DNAH14: variants seen among roughly 807,000 people sequenced by gnomAD.
The protein encoded by DNAH14 is axonemal beta dynein heavy chain 14.
A neutral mutation model predicts 520.9 loss-of-function variants in DNAH14; 478 were observed. That is an observed-to-expected ratio of 0.92 (90% CI 0.85 to 0.99). The LOEUF (loss-of-function observed/expected upper bound fraction) is 0.99, where lower values mean the gene tolerates loss of function less well. Among genes scored for constraint, DNAH14 ranks in the 50% least tolerant of loss-of-function variants. The probability of loss-of-function intolerance (pLI) is 0.00; values close to 1 mark genes in which losing one functional copy is unlikely to be tolerated. For missense variants in DNAH14, 4,831 were observed against 5,234.5 expected, an observed-to-expected ratio of 0.92 and a Z score of 2.38; for synonymous variants, 1,581 against 1,757.2, an observed-to-expected ratio of 0.90 and a Z score of 2.51.
intron 52 of DNAH14, among the ~76,000 whole-genome samples, chr1:225,275,558 T>C (rs12743550): frequency 0.04 from 6,098 of 152,310 alleles, 164 homozygotes; most frequent in Non-Finnish European, 0.059. Flanking sequence ...GAAGATTCTT[T>C]TTCTCAGACT....
chr1:225,209,717 T>C (rs539443928), intron 41 of DNAH14, among the ~76,000 whole-genome samples: 2 of 152,306 alleles, frequency 1.3e-5, no homozygotes, highest in South Asian at 4.1e-4. Context: ...ATATATGATT[T>C]AAGCATGAGA....
chr1:225,114,408 A>C (rs1434537216), intron 23 of DNAH14, among the ~76,000 whole-genome samples: 2 of 152,116 alleles, frequency 1.3e-5, no homozygotes, highest in Non-Finnish European at 2.9e-5. Flanking sequence ...CCTGAAGTGG[A>C]GGTAACAAGT....
At chr1:225,067,420 T>C (rs1229670532) in intron 17 of DNAH14, among the ~76,000 whole-genome samples, 2 of 152,180 alleles carry the variant, frequency 1.3e-5, no homozygotes, top group African/African-American at 2.4e-5. Flanking sequence ...AGTGCTGCAA[T>C]GGATATATGT....
Position 225,381,523 on chromosome 1 carries a change from G to T in DNAH14, c.13021G>T (p.Glu4341Ter). ...AAAAGGAGAGATCATCCTCACCCAA[G>T]AATTGGAGGAAATATTTAACTCTTT... Reference protein sequence around the residue: ...AIKGEIILTQELEEIFNSFLN... With the variant: ...AIKGEIILTQ Residue 4341 changes from glutamate to a stop codon, truncating the protein, a stop_gained, in exon 81 of 86, where the codon GAA (glutamate) becomes TAA (stop). Coordinates refer to ENST00000682510, the MANE Select transcript of DNAH14 (RefSeq NM_001367479.1). LOFTEE classifies it high-confidence loss of function. The T allele has an allele frequency of 6.5e-7, 1 of 1,547,492 alleles. No individual in the cohort carries two copies. Among genetic ancestry groups the T allele is most frequent in the Non-Finnish European group, 8.7e-7 (1 of 1,145,910 alleles).
chr1:225,259,177 G>C lies in DNAH14; in HGVS notation c.7081G>C (p.Gly2361Arg), dbSNP rs2092845060. 1 of 1,545,310 alleles carries C rather than the reference G, an allele frequency of 6.5e-7. No homozygotes were observed. Among genetic ancestry groups the C allele is most frequent in the African/African-American group, 1.4e-5 (1 of 72,624 alleles). ...AINQMLEKLE[G>R]PGAFDIKHGS... ...TAATCAAATGCTTGAAAAGCTAGAGGGTCCAGGAGCATTTGACATAAAACA... is the reference window on the plus strand; with the variant it reads ...TAATCAAATGCTTGAAAAGCTAGAGCGTCCAGGAGCATTTGACATAAAACA... The change falls in exon 46 of 86, where the codon GGT (glycine) becomes CGT (arginine). Residue 2361 changes from glycine (G) to arginine (R), a missense_variant. Gly to Arg is a moderately radical substitution (Grantham distance 125). Coordinates refer to ENST00000682510, the MANE Select transcript of DNAH14 (RefSeq NM_001367479.1).
In DNAH14 at chr1:225,345,964, T is replaced by TC; in HGVS notation, c.10683dup (p.Ile3562HisfsTer4). On this transcript the variant is annotated frameshift_variant, in exon 70 of 86. Transcript: ENST00000682510. LOFTEE classifies it high-confidence loss of function. ...CTTCACTTTTTGTTTGTCTTTAGGA[T>TC]CCATATTAGATGATGACAAAATTGT... is the stretch of plus-strand genomic sequence containing the variant. 6.5e-7 allele frequency: 1 copy of TC among 1,544,906 alleles called. No homozygotes were observed. Among genetic ancestry groups the TC allele is most frequent in the South Asian group, 1.2e-5 (1 of 83,534 alleles).
chr1:225,387,244 G>T (rs1437987638), intron 81 of DNAH14, among the ~76,000 whole-genome samples: 1 of 152,130 alleles, frequency 6.6e-6, no homozygotes, highest in African/African-American at 2.4e-5. Context: ...TCATGTGTGG[G>T]GGGGAGGGGG....
intron 10 of DNAH14, among the ~76,000 whole-genome samples, chr1:225,020,440 T>C (rs1224898556): frequency 7.8e-6 from 1 of 128,444 alleles, no homozygotes; most frequent in African/African-American, 2.9e-5. Context: ...GAGGTTGCAG[T>C]GAGCCAAGAT....
chr1:225,114,714 C>G (rs1156479526), intron 23 of DNAH14, among the ~76,000 whole-genome samples: 8 of 152,170 alleles, frequency 5.3e-5, no homozygotes, highest in Non-Finnish European at 1.2e-4. Flanking sequence ...TCTAAATGTT[C>G]CCTCTGTGGG....
In DNAH14 at chr1:225,270,612, G is replaced by C. The variant is rs1031599906; in HGVS notation, c.7540-123G>C. On this transcript the variant is annotated intron_variant, in intron 49 of 85. Coordinates refer to ENST00000682510, the MANE Select transcript of DNAH14 (RefSeq NM_001367479.1). ...GTAATCTTTGTTTTTGCAATAAATA[G>C]TAATTAAATCTTTTTGTCTAAATGT... The C allele has an allele frequency of 8.1e-5, 62 of 761,240 alleles. No individual in the cohort carries two copies. The African/African-American group carries it at 9.4e-4, about 12-fold the overall frequency. The allele number at this position is 761,240 out of a possible 1,614,324, so 47.2% of individuals were successfully genotyped here.
At chr1:224,982,288 CTT>C (rs1282943183) in intron 8 of DNAH14, among the ~76,000 whole-genome samples, 1 of 152,216 alleles carries the variant, frequency 6.6e-6, no homozygotes, top group African/African-American at 2.4e-5. Flanking sequence ...TCAAACCTCT[CTT>C]GGTGTGCAGG....
intron 15 of DNAH14, among the ~76,000 whole-genome samples, chr1:225,046,674 A>G (rs975036055): frequency 2.5e-4 from 38 of 152,244 alleles, no homozygotes; most frequent in African/African-American, 9.1e-4. Flanking sequence ...ATGTACCAGT[A>G]TTATACTGTG....
At chr1:225,367,245 C>T (rs1417427158) in intron 76 of DNAH14, among the ~76,000 whole-genome samples, 2 of 152,130 alleles carry the variant, frequency 1.3e-5, no homozygotes, top group African/African-American at 4.8e-5. Flanking sequence ...CCCTCAGTCT[C>T]GCATCATTTC....
chr1:224,944,218 C>T (rs1012690381), intron 1 of DNAH14, among the ~76,000 whole-genome samples: 11 of 152,190 alleles, frequency 7.2e-5, no homozygotes, highest in African/African-American at 1.2e-4. Flanking sequence ...GTTAGCTCTT[C>T]TTGTTGAATT....
intron 38 of DNAH14, among the ~76,000 whole-genome samples, chr1:225,197,730 T>C (rs537827895): frequency 2.0e-5 from 3 of 152,300 alleles, no homozygotes; most frequent in African/African-American, 4.8e-5. Flanking sequence ...CTGCAGTGTT[T>C]TGTAGTTTTC....
At chr1:225,044,569 C>A (rs1190921300) in intron 15 of DNAH14, among the ~76,000 whole-genome samples, 2 of 151,996 alleles carry the variant, frequency 1.3e-5, no homozygotes, top group African/African-American at 2.4e-5. Context: ...TATGCAAGTC[C>A]CAGTAATTCA....
Position 225,324,244 on chromosome 1 carries a change from T to A in DNAH14, c.9518T>A (p.Ile3173Asn). The A allele has an allele frequency of 1.3e-6, 2 of 1,551,684 alleles. No individual in the cohort carries two copies. The highest frequency in any genetic ancestry group is 1.7e-6 in the Non-Finnish European group (2 of 1,146,972). The change falls in exon 63 of 86, where the codon ATT becomes AAT. Residue 3173 changes from isoleucine (I) to asparagine (N), a missense_variant. By Grantham distance (149) the Ile-to-Asn change is moderately radical. Transcript: ENST00000682510. ...PDKVFVKLKK[I>N]VTLPDFNPHK... ...TAGGTTTTCGTGAAGCTAAAAAAAA[T>A]TGTAACCTTACCTGATTTCAACCCA...
intron 11 of DNAH14, among the ~76,000 whole-genome samples, chr1:225,027,240 A>G (rs185413015): frequency 6.6e-6 from 1 of 152,136 alleles, no homozygotes; most frequent in East Asian, 1.9e-4. Context: ...GATACCTTTT[A>G]TTTCTTTTTA....
chr1:225,164,034 A>T (rs1351995910), intron 35 of DNAH14, among the ~76,000 whole-genome samples: 1 of 152,174 alleles, frequency 6.6e-6, no homozygotes, highest in East Asian at 1.9e-4. Flanking sequence ...ATAAAGTTAT[A>T]AACAAGTATA....
Sources: allele counts gnomAD v4.1 joint callset (sites outside exome capture counted in the v4.1 genomes callset), GRCh38; gene constraint gnomAD v4.1.1; transcripts MANE v1.5; gene names NCBI Gene and HGNC (gene_info 2026-07-23, HGNC 2026-07-21).